Variants in POTEC observed in about 807,000 individuals in gnomAD.
POTEC encodes the protein POTE ankyrin domain family member C.
A neutral mutation model predicts 62.0 loss-of-function variants in POTEC; 35 were observed. The ratio of observed to expected loss-of-function variants is 0.56; its 90% CI spans 0.43 to 0.75. The LOEUF (loss-of-function observed/expected upper bound fraction) is 0.75. Among genes scored for constraint, POTEC ranks in the 30% least tolerant of loss-of-function variants. The pLI is 0.00. For synonymous variants in POTEC, 156 were observed against 221.5 expected, an observed-to-expected ratio of 0.70 and a Z score of 2.62; for missense variants, 472 against 655.9, an observed-to-expected ratio of 0.72 and a Z score of 3.06.
At position 14,511,648 on chromosome 18, in the gene POTEC, C is replaced by G. The variant is rs1910010165; in HGVS notation, c.*250G>C. 2 of 569,726 alleles carry G rather than the reference C, an allele frequency of 3.5e-6. No individual in the cohort carries two copies. Among genetic ancestry groups the G allele is most frequent in the South Asian group, 2.1e-5 (1 of 47,698 alleles). 35.3% of individuals were successfully genotyped at this position (569,726 alleles called of 1,614,324 possible). On this transcript the variant is annotated 3_prime_UTR_variant, in exon 11 of 11. Transcript: ENST00000358970. ...GATCACAATCATGTAGAGCAGTAGT[C>G]AGTCTACAATGACATGATTGAATTT...
At chr18:14,518,149 A>G (rs1052387963) in intron 9 of POTEC, among the ~76,000 whole-genome samples, 2 of 152,142 alleles carry the variant, frequency 1.3e-5, no homozygotes, top group African/African-American at 2.4e-5. Context: ...CACTCATTTA[A>G]TAAGTATTTA....
intron 9 of POTEC, among the ~76,000 whole-genome samples, chr18:14,521,126 T>C (rs977334279): frequency 6.6e-6 from 1 of 152,160 alleles, no homozygotes; most frequent in African/African-American, 2.4e-5. Context: ...TTATATTAAA[T>C]ATAGATCCCC....
rs1438898892 is a variant in POTEC at position 14,508,870 on chromosome 18, A to G, written c.*3028T>C. ...CATCTTTATGGGCTTATCCATCTTCAATCTTTGAGGTTGCTGACCTTTGGA... is the reference window on the plus strand; with the variant it reads ...CATCTTTATGGGCTTATCCATCTTCGATCTTTGAGGTTGCTGACCTTTGGA... On this transcript the variant is annotated 3_prime_UTR_variant, in exon 11 of 11. Coordinates refer to ENST00000358970, the MANE Select transcript of POTEC (RefSeq NM_001137671.2). 1.3e-5 allele frequency: 2 copies of G among 152,162 alleles called. No homozygotes were observed. Among genetic ancestry groups the G allele is most frequent in the African/African-American group, 4.8e-5 (2 of 41,416 alleles). The allele number at this position is 152,162 out of a possible 1,614,324, so 9.4% of individuals were successfully genotyped here.
rs1476882477 is a variant in POTEC at position 14,542,790 on chromosome 18, A to T, written c.357T>A (p.Ala119=). The change falls in exon 1 of 11, where the codon GCT becomes GCA. Residue 119 remains alanine (A), a synonymous_variant. Transcript: ENST00000358970. ...CRGSGKSNVG[A]WGDYDDSAFM... Reference sequence around the variant, plus strand: ...AGGCGCTGTCGTCGTAGTCTCCCCAAGCGCCCACGTTGCTCTTGCCGCTCC... The same window carrying T: ...AGGCGCTGTCGTCGTAGTCTCCCCATGCGCCCACGTTGCTCTTGCCGCTCC... The T allele has an allele frequency of 5.6e-6, 9 of 1,613,648 alleles. No homozygotes were observed. Among genetic ancestry groups the T allele is most frequent in the Non-Finnish European group, 7.6e-6 (9 of 1,179,862 alleles).
intron 3 of POTEC, among the ~76,000 whole-genome samples, chr18:14,537,208 CACAAAA>C (rs1346656349): frequency 0.065 from 4,873 of 74,854 alleles, 139 homozygotes; most frequent in East Asian, 0.29. Context: ...CACACACACA[CACAAAA>C]AAAAAAAAAA....
In POTEC at chr18:14,542,643, C is replaced by T. The variant is rs1454921130; in HGVS notation, c.504G>A (p.Lys168=). Residue 168 remains lysine (K), a synonymous_variant, in exon 1 of 11, where the codon AAG becomes AAA. Transcript: ENST00000358970. ...CCAGTTACCTCTTTTGCTTGTCCCT[C>T]TTGTTCATGTCCGTGTCCCTGAGCA... The part of the protein sequence containing the change: ...IVMLRDTDMN[K]RDKQKRTALH... 6.2e-7 allele frequency: 1 copy of T among 1,612,516 alleles called. No homozygotes were observed. The highest frequency in any genetic ancestry group is 8.5e-7 in the Non-Finnish European group (1 of 1,179,968).
intron 1 of POTEC, among the ~76,000 whole-genome samples, chr18:14,539,739 C>T (rs1165412710): frequency 6.6e-6 from 1 of 152,134 alleles, no homozygotes; most frequent in Admixed American, 6.5e-5. Flanking sequence ...TTATCTTTCA[C>T]TATTTTCCAC....
chr18:14,510,845 G>A lies in POTEC; in HGVS notation c.*1053C>T, dbSNP rs987423128. The A allele has an allele frequency of 1.3e-5, 2 of 152,124 alleles. No homozygotes were observed. The highest frequency in any genetic ancestry group is 2.9e-5 in the Non-Finnish European group (2 of 68,050). The allele number at this position is 152,124 out of a possible 1,614,324, so 9.4% of individuals were successfully genotyped here. On this transcript the variant is annotated 3_prime_UTR_variant, in exon 11 of 11. Transcript: ENST00000358970. Reference sequence around the variant, plus strand: ...TCAGACACTCTGAAACTCTAAGACTGAACTGGCTGAGTCATCCAAACAGCA... The same window carrying A: ...TCAGACACTCTGAAACTCTAAGACTAAACTGGCTGAGTCATCCAAACAGCA...
At chr18:14,513,877 T>C (rs1269268108) in intron 9 of POTEC, 92 bp from the exon 10 acceptor site, 2 of 1,589,326 alleles carry the variant, frequency 1.3e-6, no homozygotes, top group African/African-American at 1.4e-5. Context: ...ATTCACACAA[T>C]GCATATCTGC....
chr18:14,515,697 C>T (rs995658625), intron 9 of POTEC, among the ~76,000 whole-genome samples: 1 of 151,166 alleles, frequency 6.6e-6, no homozygotes, highest in African/African-American at 2.4e-5. Context: ...AACTAAAAAG[C>T]TTCAGCACAG....
At chr18:14,525,766 T>A (rs1266406504) in intron 6 of POTEC, among the ~76,000 whole-genome samples, 3 of 152,126 alleles carry the variant, frequency 2.0e-5, no homozygotes, top group Non-Finnish European at 4.4e-5. Flanking sequence ...CTCTCCTGCC[T>A]CCTGTTTTCT....
At chr18:14,530,679 C>T (rs572640422) in intron 5 of POTEC, 126 bp from the exon 6 acceptor site, 23 of 928,628 alleles carry the variant, frequency 2.5e-5, no homozygotes, top group Middle Eastern at 3.9e-4. Context: ...AGTATTATCC[C>T]ATACACTTAT....
Position 14,513,663 on chromosome 18 carries a change from T to C in POTEC, c.1532A>G (p.Glu511Gly). ...IEVAEKKMNSELSLSHKKEED... is the reference protein window; with the variant it reads ...IEVAEKKMNSGLSLSHKKEED... ...TTTGAAAATGACTAAAGAAAATACC[T>C]CAGAATTCATTTTCTTTTCAGCCAC... The change falls in exon 10 of 11, where the codon GAG becomes GGG. Residue 511 changes from glutamate to glycine, a missense_variant and splice_region_variant. This residue lies in a region of POTEC where 67 missense variants were observed against 58.3 expected (regional missense o/e 1.15). Transcript: ENST00000358970. 1 of 1,611,642 alleles carries C rather than the reference T, an allele frequency of 6.2e-7. No individual in the cohort carries two copies. The highest frequency in any genetic ancestry group is 1.1e-5 in the South Asian group (1 of 90,834).
intron 5 of POTEC, among the ~76,000 whole-genome samples, chr18:14,532,569 G>A (rs1260761556): frequency 6.6e-6 from 1 of 152,126 alleles, no homozygotes; most frequent in African/African-American, 2.4e-5. Flanking sequence ...GGAAACAACA[G>A]AATGATTGGA....
chr18:14,524,566 T>G (rs975853333), intron 7 of POTEC, among the ~76,000 whole-genome samples: 18 of 152,204 alleles, frequency 1.2e-4, no homozygotes, highest in Non-Finnish European at 1.0e-4. Flanking sequence ...CTGGAATATG[T>G]TTTTGCCTCT....
chr18:14,535,034 A>T (rs1905665757), intron 3 of POTEC, 27 bp from the exon 4 acceptor site: 2 of 1,588,494 alleles, frequency 1.3e-6, no homozygotes, highest in Non-Finnish European at 8.6e-7. Flanking sequence ...AACAAAAACA[A>T]TATGTAATTC....
intron 6 of POTEC, among the ~76,000 whole-genome samples, chr18:14,528,585 C>T (rs1373118944): frequency 3.9e-5 from 6 of 152,074 alleles, no homozygotes; most frequent in Admixed American, 3.9e-4. Context: ...GGAGCTGCTG[C>T]GGATTAGCCA....
At chr18:14,530,378 A>G in intron 6 of POTEC, 105 bp downstream of exon 6, 1 of 1,551,514 alleles carries the variant, frequency 6.4e-7, no homozygotes, top group South Asian at 1.1e-5. Context: ...AACCATCCCC[A>G]CCTTCCCCCA....
At chr18:14,517,819 C>A (rs191176007) in intron 9 of POTEC, among the ~76,000 whole-genome samples, 1 of 152,136 alleles carries the variant, frequency 6.6e-6, no homozygotes, top group Admixed American at 6.5e-5. Context: ...TGAGATCATA[C>A]CACTGAACTC....
Sources: gnomAD v4.1 joint callset for allele counts (sites outside exome capture counted in the v4.1 genomes callset) on GRCh38, gnomAD v4.1.1 for gene constraint, gnomAD v4.1.1 regional missense constraint, MANE v1.5 for transcripts, NCBI Gene and HGNC (gene_info 2026-07-23, HGNC 2026-07-21) for gene names.